Variants in EHBP1 observed in about 807,000 individuals in gnomAD.
EHBP1 encodes the protein EH domain binding protein 1.
A neutral mutation model predicts 144.0 loss-of-function variants in EHBP1; 55 were observed. That is an observed-to-expected ratio of 0.38 (90% confidence interval 0.31 to 0.48). The LOEUF (loss-of-function observed/expected upper bound fraction) is 0.48, where lower values mean the gene tolerates loss of function less well. Among genes scored for constraint, EHBP1 ranks in the 20% least tolerant of loss-of-function variants. EHBP1 has a pLI of 0.98. For synonymous variants in EHBP1, 469 were observed against 472.7 expected (o/e 0.99, Z 0.10); for missense variants, 1,200 against 1,364.2 (o/e 0.88, Z 1.90).
intron 5 of EHBP1, among the ~76,000 whole-genome samples, chr2:62,808,721 A>G (rs1472405558): frequency 6.6e-6 from 1 of 151,982 alleles, no homozygotes; most frequent in Non-Finnish European, 1.5e-5. Flanking sequence ...GGGTAAAAGG[A>G]AGTGCTGTAA....
At chr2:62,798,596 T>C (rs868010026) in intron 5 of EHBP1, among the ~76,000 whole-genome samples, 21 of 152,204 alleles carry the variant, frequency 1.4e-4, no homozygotes, top group African/African-American at 4.1e-4. Context: ...ACCTATTTCA[T>C]AGAATTTTTG....
chr2:62,939,978 A>T (rs2056643348), intron 10 of EHBP1: 3 of 288,794 alleles, frequency 1.0e-5, no homozygotes, highest in Admixed American at 4.1e-5. Context: ...AGAGGTGGTG[A>T]TTCACTGAAT....
At chr2:62,679,561 T>G (rs949968108) in intron 1 of EHBP1, among the ~76,000 whole-genome samples, 5 of 152,222 alleles carry the variant, frequency 3.3e-5, no homozygotes, top group Non-Finnish European at 5.9e-5. Flanking sequence ...TTTCTTGTTC[T>G]AAGGTCCTAG....
chr2:62,699,151 T>A (rs1433916519), intron 1 of EHBP1, among the ~76,000 whole-genome samples: 2 of 152,348 alleles, frequency 1.3e-5, no homozygotes, highest in Non-Finnish European at 2.9e-5. Context: ...TTAATTATAT[T>A]ATCTTGCTCA....
rs2060508759 is a variant in EHBP1 at position 63,016,910 on chromosome 2, A to G, written c.3103+20144A>G. ...CCTATGCTCCTGTCCATTAGGACCC[A>G]GGGCCCATAGGTCTTTTACTGTTGT... is the stretch of plus-strand genomic sequence containing the variant. On this transcript the variant is annotated intron_variant, in intron 19 of 22. Transcript: ENST00000431489. Among the ~76,000 whole-genome samples, 4 of 152,192 alleles carry G rather than the reference A, an allele frequency of 2.6e-5. No individual in the cohort carries two copies. In the South Asian group the frequency reaches 8.3e-4, roughly 32 times the overall value.
intron 11 of EHBP1, among the ~76,000 whole-genome samples, chr2:62,943,557 C>A (rs1460745578): frequency 6.6e-6 from 1 of 152,006 alleles, no homozygotes; most frequent in African/African-American, 2.4e-5. Flanking sequence ...GTCTTTGGTC[C>A]CCTGCCTTAA....
chr2:62,927,080 T>C (rs986500041), intron 10 of EHBP1, among the ~76,000 whole-genome samples: 1 of 152,204 alleles, frequency 6.6e-6, no homozygotes, highest in South Asian at 2.1e-4. Context: ...TTATCTGTAA[T>C]AAGCCAGGAA....
chr2:62,719,271 A>AT (rs564268903), intron 2 of EHBP1, among the ~76,000 whole-genome samples: 31 of 150,524 alleles, frequency 2.1e-4, no homozygotes, highest in African/African-American at 6.6e-4. Context: ...GACCAGAATA[A>AT]TTTTTTTTTT....
chr2:63,016,678 G>A (rs763971223), intron 19 of EHBP1, among the ~76,000 whole-genome samples: 1 of 152,102 alleles, frequency 6.6e-6, no homozygotes. Context: ...TGATCCACCC[G>A]TCTCAGCCTC....
Position 62,683,455 on chromosome 2 carries a change from C to T in EHBP1, c.-296+9372C>T, listed in dbSNP as rs369256956. Among the ~76,000 whole-genome samples, 16 of 151,954 alleles carry T rather than the reference C, an allele frequency of 1.1e-4. 1 individual carries two copies. The East Asian group carries it at 1.2e-3, about 11-fold the overall frequency. Reference sequence around the variant, plus strand: ...TGGGTGGATCACGAGGTCAGGAGATCGAGACCATCCTGGCTAACACGGTGA... The same window carrying T: ...TGGGTGGATCACGAGGTCAGGAGATTGAGACCATCCTGGCTAACACGGTGA... On this transcript the variant is annotated intron_variant, in intron 1 of 22. Transcript: ENST00000405015.
chr2:62,943,247 A>G (rs182436793), intron 11 of EHBP1, among the ~76,000 whole-genome samples: 2 of 152,172 alleles, frequency 1.3e-5, no homozygotes, highest in East Asian at 3.9e-4. Context: ...GTGGTGGCGC[A>G]TGCCTGAAAT....
intron 2 of EHBP1, among the ~76,000 whole-genome samples, chr2:62,721,868 T>A (rs1172182876): frequency 1.3e-5 from 2 of 152,196 alleles, no homozygotes; most frequent in African/African-American, 4.8e-5. Context: ...AGGTACATTG[T>A]TTTTTAAAAA....
intron 10 of EHBP1, among the ~76,000 whole-genome samples, chr2:62,928,480 A>G (rs2055711259): frequency 6.6e-6 from 1 of 152,170 alleles, no homozygotes; most frequent in Non-Finnish European, 1.5e-5. Flanking sequence ...CTTGTAGACT[A>G]TAACAAAGAG....
chr2:63,030,674 G>A (rs1470231131), intron 19 of EHBP1, among the ~76,000 whole-genome samples: 6 of 150,012 alleles, frequency 4.0e-5, no homozygotes, highest in Non-Finnish European at 8.9e-5. Flanking sequence ...TGTATTTTTA[G>A]TAGAGACGGG....
chr2:62,751,870 C>G (rs1265684162), intron 3 of EHBP1, among the ~76,000 whole-genome samples: 3 of 152,000 alleles, frequency 2.0e-5, no homozygotes, highest in African/African-American at 4.8e-5. Flanking sequence ...TCATTCTTCT[C>G]TCTTTTCTTC....
chr2:62,883,061 A>G (rs936629465), intron 10 of EHBP1, among the ~76,000 whole-genome samples: 1 of 152,138 alleles, frequency 6.6e-6, no homozygotes, highest in African/African-American at 2.4e-5. Context: ...TACTGTCTAT[A>G]CCATTATCTC....
chr2:62,906,357 A>G (rs2053812339), intron 10 of EHBP1, among the ~76,000 whole-genome samples: 1 of 152,064 alleles, frequency 6.6e-6, no homozygotes, highest in South Asian at 2.1e-4. Context: ...CTGTTGCTAT[A>G]TCATAAGTCT....
chr2:62,832,664 G>A (rs965842568), intron 7 of EHBP1, among the ~76,000 whole-genome samples: 2 of 151,870 alleles, frequency 1.3e-5, no homozygotes, highest in African/African-American at 4.8e-5. Flanking sequence ...TGTTACTATT[G>A]TAATTATTTT....
At chr2:62,755,976 C>A (rs538342891) in intron 3 of EHBP1, among the ~76,000 whole-genome samples, 2 of 151,926 alleles carry the variant, frequency 1.3e-5, no homozygotes, top group East Asian at 3.9e-4. Context: ...GATTATAGGT[C>A]AATTAAGAAT....
Sources: gnomAD v4.1 joint callset for allele counts (sites outside exome capture counted in the v4.1 genomes callset) on GRCh38, gnomAD v4.1.1 for gene constraint, MANE v1.5 for transcripts, NCBI Gene and HGNC (gene_info 2026-07-23, HGNC 2026-07-21) for gene names.